TRMU: variants seen among roughly 807,000 people sequenced by gnomAD.
The protein encoded by TRMU is tRNA mitochondrial 2-thiouridylase.
A neutral mutation model predicts 46.9 loss-of-function variants in TRMU; 49 were observed. The ratio of observed to expected loss-of-function variants is 1.05; its 90% CI spans 0.83 to 1.33. The LOEUF is 1.33. Among genes scored for constraint, TRMU ranks in the 40% most tolerant of loss-of-function variants. The probability of loss-of-function intolerance (pLI) is 0.00; values close to 1 mark genes in which losing one functional copy is unlikely to be tolerated. For synonymous variants in TRMU, 241 were observed against 200.9 expected, an observed-to-expected ratio of 1.20 and a Z score of -1.69; for missense variants, 572 against 532.4, an observed-to-expected ratio of 1.07 and a Z score of -0.73.
rs1191230933 is a variant in TRMU, at chr22:46,353,812, T to TGA, written c.824_825dup (p.Pro276SerfsTer31). ...GGCCAGAGAGCAAACATAGGTGGCC[T>TGA]GAGAGAGCCCTGGTACGTGGTGGAG... On this transcript the variant is annotated frameshift_variant, in exon 8 of 11. Coordinates refer to ENST00000645190, the MANE Select transcript of TRMU (RefSeq NM_018006.5). LOFTEE classifies it high-confidence loss of function. The TGA allele has an allele frequency of 8.1e-6, 13 of 1,613,954 alleles. No homozygotes were observed. Among genetic ancestry groups the TGA allele is most frequent in the Non-Finnish European group, 1.1e-5 (13 of 1,179,868 alleles).
chr22:46,348,610 C>T lies in TRMU; in HGVS notation c.479-1681C>T, dbSNP rs963545788. Reference sequence around the variant, plus strand: ...CTGGCAGAGCCAGCACGGCAGCCGGCGTGTCAGTGAGGCTCCAGCACAGGC... The same window carrying T: ...CTGGCAGAGCCAGCACGGCAGCCGGTGTGTCAGTGAGGCTCCAGCACAGGC... On this transcript the variant is annotated intron_variant, in intron 4 of 10. Coordinates refer to ENST00000645190, the MANE Select transcript of TRMU (RefSeq NM_018006.5). This position sits in a 1 kb window ranked among gnomAD's most constrained non-coding sequence, Gnocchi z 4.8. Among the ~76,000 whole-genome samples the T allele has an allele frequency of 2.6e-5, 4 of 152,228 alleles. No homozygotes were observed. The highest frequency in any genetic ancestry group is 4.4e-5 in the Non-Finnish European group (3 of 68,040).
chr22:46,350,110 A>T lies in TRMU; in HGVS notation c.479-181A>T, dbSNP rs1335125739. ...GTAAAATCCTTGTTTTTTTTTTTGG[A>T]GGTGCGAATTTTTCTTACATTAACC... On this transcript the variant is annotated intron_variant, in intron 4 of 10. Transcript: ENST00000645190. This position sits in a 1 kb window ranked among gnomAD's most constrained non-coding sequence, Gnocchi z 4.6. 1.4e-5 allele frequency among the ~76,000 whole-genome samples: 2 copies of T among 146,290 alleles called. No homozygotes were observed. Among genetic ancestry groups the T allele is most frequent in the Non-Finnish European group, 3.0e-5 (2 of 67,072 alleles).
chr22:46,337,903 T>TCAAGTGTCCTACGTAAAGGAGTATTGG lies in TRMU; in HGVS notation c.208_234dup (p.Gln70_Trp78dup), dbSNP rs1274389888. ...GCCAGATCTTAGACATCCCTTTCCA[T>TCAAGTGTCCTACGTAAAGGAGTATTGG]CAAGTGTCCTACGTAAAGGAGTATT... is the stretch of plus-strand genomic sequence containing the variant. On this transcript the variant is annotated inframe_insertion, in exon 2 of 11. Coordinates refer to ENST00000645190, the MANE Select transcript of TRMU (RefSeq NM_018006.5). The TCAAGTGTCCTACGTAAAGGAGTATTGG allele has an allele frequency of 2.5e-6, 4 of 1,614,096 alleles. No individual in the cohort carries two copies. The African/African-American group carries it at 5.3e-5, about 22-fold the overall frequency.
At chr22:46,346,357 T>C in intron 3 of TRMU, 65 bp from the exon 4 acceptor site, 2 of 1,582,498 alleles carry the variant, frequency 1.3e-6, no homozygotes, top group Non-Finnish European at 1.7e-6. Flanking sequence ...TGCCTTGGTT[T>C]ATGCTGATCA....
chr22:46,336,821 G>T lies in TRMU; in HGVS notation c.83-958G>T, dbSNP rs956465170. Reference sequence around the variant, plus strand: ...GGAGGAAAGCATCCTAGAGATGGAGGTGCTCAGCTGAGTCGAAAGAAGAGT... The same window carrying T: ...GGAGGAAAGCATCCTAGAGATGGAGTTGCTCAGCTGAGTCGAAAGAAGAGT... On this transcript the variant is annotated intron_variant, in intron 1 of 10. Coordinates refer to ENST00000645190, the MANE Select transcript of TRMU (RefSeq NM_018006.5). This position sits in a 1 kb window ranked among gnomAD's most constrained non-coding sequence, Gnocchi z 4.1. Among the ~76,000 whole-genome samples the T allele has an allele frequency of 1.3e-5, 2 of 152,090 alleles. No individual in the cohort carries two copies. The highest frequency in any genetic ancestry group is 4.2e-4 in the South Asian group (2 of 4,818).
chr22:46,343,391 A>ATTT, intron 3 of TRMU, 23 bp downstream of exon 3: 1 of 1,286,822 alleles, frequency 7.8e-7, no homozygotes, highest in Non-Finnish European at 1.1e-6. Flanking sequence ...GGTTTAAAAC[A>ATTT]TTTTTTTTTT....
chr22:46,346,925 G>A (rs1018612053), intron 4 of TRMU, among the ~76,000 whole-genome samples: 12 of 152,280 alleles, frequency 7.9e-5, no homozygotes, highest in African/African-American at 2.4e-4. Flanking sequence ...TCTCAAGGGC[G>A]TGCGGTTCAG....
rs2078149836 is a variant in TRMU at position 46,342,616 on chromosome 22, G to T, written c.249-646G>T. ...AGACTTGCTTGAGGCCTGGAGTTCA[G>T]TATCAGCATGGGCAACATGGCAAGA... On this transcript the variant is annotated intron_variant, in intron 2 of 10. Coordinates refer to ENST00000645190, the MANE Select transcript of TRMU (RefSeq NM_018006.5). The surrounding 1 kb of genome is among the most constrained non-coding windows in gnomAD (Gnocchi z 4.7). Among the ~76,000 whole-genome samples the T allele has an allele frequency of 6.6e-6, 1 of 152,170 alleles. No homozygotes were observed. The highest frequency in any genetic ancestry group is 2.4e-5 in the African/African-American group (1 of 41,428).
intron 2 of TRMU, among the ~76,000 whole-genome samples, chr22:46,340,701 G>T: frequency 6.9e-6 from 1 of 144,338 alleles, no homozygotes; most frequent in South Asian, 2.3e-4. Context: ...ATTAGGAGCG[G>T]AGCTGGGATT....
At chr22:46,352,477 G>T in intron 7 of TRMU, 147 bp downstream of exon 7, 2 of 870,334 alleles carry the variant, frequency 2.3e-6, no homozygotes, top group Admixed American at 1.9e-5. Context: ...GGGCGGGCAC[G>T]GCCTAGGGTG....
intron 7 of TRMU, chr22:46,353,302 G>A (rs1378011716): frequency 4.6e-6 from 1 of 217,434 alleles, no homozygotes; most frequent in Non-Finnish European, 9.4e-6. Flanking sequence ...CACTGCAGGG[G>A]AGGGAGGCAG....
chr22:46,336,176 C>G lies in TRMU; in HGVS notation c.82+330C>G, dbSNP rs893663355. ...CTCACGGATCTGCGGCGTCCACATTCACCTGTGAGACCGTGGACACTGGTG... is the reference window on the plus strand; with the variant it reads ...CTCACGGATCTGCGGCGTCCACATTGACCTGTGAGACCGTGGACACTGGTG... On this transcript the variant is annotated intron_variant, in intron 1 of 10. Coordinates refer to ENST00000645190, the MANE Select transcript of TRMU (RefSeq NM_018006.5). This position sits in a 1 kb window ranked among gnomAD's most constrained non-coding sequence, Gnocchi z 4.1. 1 of 1,218,772 alleles carries G rather than the reference C, an allele frequency of 8.2e-7. No individual in the cohort carries two copies. The highest frequency in any genetic ancestry group is 1.0e-6 in the Non-Finnish European group (1 of 968,846). The allele number at this position is 1,218,772 out of a possible 1,614,324, so 75.5% of individuals were successfully genotyped here.
chr22:46,345,359 C>A (rs189305059), intron 3 of TRMU, among the ~76,000 whole-genome samples: 3 of 152,334 alleles, frequency 2.0e-5, no homozygotes, highest in Admixed American at 2.0e-4. Context: ...CAGGCGTGAG[C>A]CGCTGCGCCT....
chr22:46,352,490 A>T, intron 7 of TRMU, 160 bp downstream of exon 7: 1 of 775,292 alleles, frequency 1.3e-6, no homozygotes. Flanking sequence ...CTAGGGTGGA[A>T]CAGTTGCCTT....
intron 9 of TRMU, 180 bp downstream of exon 9, chr22:46,355,768 T>C: frequency 8.4e-7 from 1 of 1,185,838 alleles, no homozygotes. Context: ...GGCCTGGGGG[T>C]GCTGGGAGCA....
rs772935887 is a variant in TRMU at position 46,353,828 on chromosome 22, C to T, written c.834C>T (p.Tyr278=). ...ANIGGLREPW[Y]VVEKDSVKGD... is the part of the protein sequence containing the mutation. ...TAGGTGGCCTGAGAGAGCCCTGGTA[C>T]GTGGTGGAGAAGGACAGCGTCAAGG... Residue 278 remains tyrosine (Y), a synonymous_variant, in exon 8 of 11, where the codon TAC becomes TAT. Coordinates refer to ENST00000645190, the MANE Select transcript of TRMU (RefSeq NM_018006.5). The T allele has an allele frequency of 3.8e-5, 61 of 1,613,768 alleles. No homozygotes were observed. The highest frequency in any genetic ancestry group is 5.0e-5 in the Non-Finnish European group (59 of 1,179,882).
At position 46,351,337 on chromosome 22, in the gene TRMU, C is replaced by T. The variant is rs1002521133; in HGVS notation, c.652-784C>T. Among the ~76,000 whole-genome samples, 3 of 152,140 alleles carry T rather than the reference C, an allele frequency of 2.0e-5. No individual in the cohort carries two copies. The highest frequency in any genetic ancestry group is 6.5e-5 in the Admixed American group (1 of 15,282). ...AAACTCGTCTCAAAAAGAGAGAACCCGGAGTGTTGGCGGAACTAGGATGAA... is the reference window on the plus strand; with the variant it reads ...AAACTCGTCTCAAAAAGAGAGAACCTGGAGTGTTGGCGGAACTAGGATGAA... On this transcript the variant is annotated intron_variant, in intron 5 of 10. Coordinates refer to ENST00000645190, the MANE Select transcript of TRMU (RefSeq NM_018006.5). The surrounding 1 kb of genome is among the most constrained non-coding windows in gnomAD (Gnocchi z 6.4).
Position 46,336,130 on chromosome 22 carries a change from G to C in TRMU, c.82+284G>C. On this transcript the variant is annotated intron_variant, in intron 1 of 10. Transcript: ENST00000645190. This position sits in a 1 kb window ranked among gnomAD's most constrained non-coding sequence, Gnocchi z 4.1. ...CAGTGAGAAGCCGGCGGGCCGGGGT[G>C]GGGTGGGGAGGGAAGGGTTTCTCAC... The C allele has an allele frequency of 1.5e-6, 2 of 1,328,648 alleles. No individual in the cohort carries two copies. The highest frequency in any genetic ancestry group is 1.9e-6 in the Non-Finnish European group (2 of 1,038,644). The allele number at this position is 1,328,648 out of a possible 1,614,324, so 82.3% of individuals were successfully genotyped here.
Position 46,335,758 on chromosome 22 carries a change from C to T in TRMU, c.-7C>T, listed in dbSNP as rs761376798. ...AGCTGCAGCTGGCGAAGTTGGGCGA[C>T]TGGCGGATGCAGGCCTTGCGGCACG... On this transcript the variant is annotated 5_prime_UTR_variant, in exon 1 of 11. Transcript: ENST00000645190. 2 of 1,550,324 alleles carry T rather than the reference C, an allele frequency of 1.3e-6. No individual in the cohort carries two copies. Among genetic ancestry groups the T allele is most frequent in the African/African-American group, 1.4e-5 (1 of 73,296 alleles).
Sources: gnomAD v4.1 joint callset for allele counts (sites outside exome capture counted in the v4.1 genomes callset) on GRCh38, gnomAD v4.1.1 for gene constraint, Gnocchi (gnomAD v3.1) non-coding constraint, MANE v1.5 for transcripts, NCBI Gene and HGNC (gene_info 2026-07-23, HGNC 2026-07-21) for gene names.